The following MAPK15 variants were observed in gnomAD, a reference collection of about 807,000 sequenced individuals.
The protein encoded by MAPK15 is mitogen-activated protein kinase 15.
MAPK15 carries 61 observed loss-of-function variants against 60.8 expected under a neutral mutation model. The ratio of observed to expected loss-of-function variants is 1.00; its 90% confidence interval spans 0.82 to 1.24. MAPK15 has a LOEUF of 1.24. Ranked by LOEUF, MAPK15 falls within the 50% of genes most tolerant of loss-of-function variation. MAPK15 has a pLI of 0.00. For missense variants in MAPK15, 808 were observed against 741.1 expected (o/e 1.09, Z -1.05); for synonymous variants, 356 against 319.9 (o/e 1.11, Z -1.21).
chr8:143,718,137 G>C (rs540839720), intron 3 of MAPK15, 61 bp downstream of exon 3: 1 of 1,613,606 alleles, frequency 6.2e-7, no homozygotes, highest in African/African-American at 1.3e-5. Flanking sequence ...CTCCAGACAG[G>C]AGAGAAACTG....
At position 143,718,806 on chromosome 8, in the gene MAPK15, C is replaced by T. The variant is rs372258746; in HGVS notation, c.318C>T (p.Gly106=). The T allele has an allele frequency of 4.8e-5, 75 of 1,556,048 alleles. No individual in the cohort carries two copies. The highest frequency in any genetic ancestry group is 3.5e-4 in the Middle Eastern group (2 of 5,790). ...ACCTGAACGCAGTCATCCGGAAGGG[C>T]GGCCTGCTGCAGGACGTCCACGTGC... ...DTDLNAVIRK[G]GLLQDVHVRS... is the part of the protein sequence containing the mutation. The change falls in exon 5 of 14, where the codon GGC becomes GGT. Residue 106 remains glycine (G), a synonymous_variant. Coordinates refer to ENST00000338033, the MANE Select transcript of MAPK15 (RefSeq NM_139021.3).
intron 4 of MAPK15, 48 bp from the exon 5 acceptor site, chr8:143,718,727 G>GGGGGCCCCCCCCCCCCCCCCCCCCC: frequency 1.9e-6 from 1 of 514,518 alleles, no homozygotes; most frequent in East Asian, 3.3e-5. Flanking sequence ...CCCCCAGGTT[G>GGGGGCCCCCCCCCCCCCCCCCCCCC]CCCCCCCAGC....
rs1198716435 is a variant in MAPK15 at position 143,720,276 on chromosome 8, G to A, written c.768G>A (p.Gln256=). The A allele has an allele frequency of 1.3e-6, 2 of 1,589,358 alleles. No homozygotes were observed. The highest frequency in any genetic ancestry group is 1.8e-5 in the Admixed American group (1 of 57,122). ...GCTGCCGTGCCTCTGTGCTGCACCA[G>A]CTGGGGTCCCGGTGAGTGGGGGCAC... is the stretch of plus-strand genomic sequence containing the variant. ...GSGCRASVLH[Q]LGSRPRQTLD... is the part of the protein sequence containing the mutation. Residue 256 remains glutamine (Q), a synonymous_variant, in exon 8 of 14, where the codon CAG becomes CAA. Transcript: ENST00000338033. This position sits in a 1 kb window ranked among gnomAD's most constrained non-coding sequence, Gnocchi z 4.6.
At chr8:143,719,752 G>A (rs1310986102) in intron 7 of MAPK15, among the ~76,000 whole-genome samples, 1 of 152,172 alleles carries the variant, frequency 6.6e-6, no homozygotes, top group Non-Finnish European at 1.5e-5. Flanking sequence ...GCTGGACAAG[G>A]TCCCCAAGGG....
At position 143,721,082 on chromosome 8, in the gene MAPK15, G is replaced by A. The variant is rs1818041702; in HGVS notation, c.1000G>A (p.Glu334Lys). 6.2e-7 allele frequency: 1 copy of A among 1,611,492 alleles called. No homozygotes were observed. The highest frequency in any genetic ancestry group is 1.3e-5 in the African/African-American group (1 of 74,852). ...AHEGVQLSVP[E>K]YRSRVYQMIL... ...CGAAGGGGTCCAGCTCTCTGTGCCT[G>A]AGTACCGCAGCCGCGTCTATCAGGT... The change falls in exon 10 of 14, where the codon GAG becomes AAG. Residue 334 changes from glutamate (E) to lysine (K), a missense_variant. Transcript: ENST00000338033.
Position 143,721,874 on chromosome 8 carries a change from A to C in MAPK15, c.1452A>C (p.Val484=). ...NRGGGVRVAS[V]QQVPPRLPPE... is the part of the protein sequence containing the mutation. ...GCGGTGGGGTGAGGGTGGCCAGCGT[A>C]CAACAGGTAAGCCCGGCCCAGTCTG... Residue 484 remains valine (V), a synonymous_variant, in exon 13 of 14, where the codon GTA becomes GTC. Transcript: ENST00000338033. The C allele has an allele frequency of 6.3e-7, 1 of 1,585,910 alleles. No individual in the cohort carries two copies. Among genetic ancestry groups the C allele is most frequent in the South Asian group, 1.2e-5 (1 of 86,810 alleles).
Position 143,719,152 on chromosome 8 carries a change from C to A in MAPK15, c.577C>A (p.His193Asn), listed in dbSNP as rs140242632. Reference protein sequence around the residue: ...YRAPEVLLSSHRYTLGVDMWS... With the variant: ...YRAPEVLLSSNRYTLGVDMWS... The stretch of plus-strand genomic sequence containing the variant: ...AGCACCGGAGGTGCTGCTCTCTTCG[C>A]ACCGGTAATAGCGAGACATCCCCAA... Residue 193 changes from histidine to asparagine, a missense_variant, in exon 6 of 14, where the codon CAC becomes AAC. His to Asn is a moderately conservative substitution (Grantham distance 68). Transcript: ENST00000338033. 14 of 1,541,154 alleles carry A rather than the reference C, an allele frequency of 9.1e-6. No individual in the cohort carries two copies. The East Asian group carries it at 3.4e-4, about 38-fold the overall frequency.
At position 143,722,263 on chromosome 8, in the gene MAPK15, C is replaced by G. The variant is rs782261037; in HGVS notation, c.*12C>G. On this transcript the variant is annotated 3_prime_UTR_variant, in exon 14 of 14. Transcript: ENST00000338033. ...GGCACCATGTGTGAGCCGCCCTACT[C>G]CCTTCACCTGGCCCTCTGTTCCTGC... is the stretch of plus-strand genomic sequence containing the variant. 6.5e-7 allele frequency: 1 copy of G among 1,546,632 alleles called. No homozygotes were observed. The highest frequency in any genetic ancestry group is 8.7e-7 in the Non-Finnish European group (1 of 1,146,552).
rs1252252347 is a variant in MAPK15 at position 143,720,684 on chromosome 8, G to A, written c.780-19G>A. On this transcript the variant is annotated intron_variant, in intron 8 of 13. Coordinates refer to ENST00000338033, the MANE Select transcript of MAPK15 (RefSeq NM_139021.3). This position sits in a 1 kb window ranked among gnomAD's most constrained non-coding sequence, Gnocchi z 4.6. ...GGCCCTTGGGTCGGGCCCTGGAGAC[G>A]ACACACGGCAGCCCACAGGCCACGA... The A allele has an allele frequency of 1.1e-5, 18 of 1,604,428 alleles. No individual in the cohort carries two copies. Among genetic ancestry groups the A allele is most frequent in the Middle Eastern group, 1.7e-4 (1 of 6,060 alleles).
In MAPK15 at chr8:143,716,420, C is replaced by T; in HGVS notation, c.43C>T (p.Leu15Phe). 6.2e-7 allele frequency: 1 copy of T among 1,605,186 alleles called. No individual in the cohort carries two copies. Among genetic ancestry groups the T allele is most frequent in the African/African-American group, 1.4e-5 (1 of 73,984 alleles). The change falls in exon 1 of 14, where the codon CTC (leucine) becomes TTC (phenylalanine). Residue 15 changes from leucine to phenylalanine, a missense_variant. Physicochemically the swap from Leu to Phe is conservative, Grantham distance 22. Coordinates refer to ENST00000338033, the MANE Select transcript of MAPK15 (RefSeq NM_139021.3). ...CCCTCGCATTGTCCGGAGATACCTA[C>T]TCAGGCGGCAGCTCGGGCAGGGGGT... ...VDPRIVRRYL[L>F]RRQLGQGAYG...
At chr8:143,718,165 A>G (rs1554618770) in intron 3 of MAPK15, 47 bp from the exon 4 acceptor site, 1 of 1,613,016 alleles carries the variant, frequency 6.2e-7, no homozygotes, top group South Asian at 1.1e-5. Context: ...TGGGCCCCAG[A>G]GCACAGCCCC....
At position 143,721,281 on chromosome 8, in the gene MAPK15, G is replaced by C. The variant is rs782155789; in HGVS notation, c.1074G>C (p.Pro358=). 3 of 1,613,436 alleles carry C rather than the reference G, an allele frequency of 1.9e-6. No homozygotes were observed. Among genetic ancestry groups the C allele is most frequent in the African/African-American group, 2.7e-5 (2 of 74,898 alleles). Residue 358 remains proline (P), a synonymous_variant, in exon 11 of 14, where the codon CCG becomes CCC. Transcript: ENST00000338033. The stretch of plus-strand genomic sequence containing the variant: ...GCGGCACCTCGAGAGAGAAGGGCCC[G>C]GAGGGTGTCTCCCCAAGCCAGGCAC... The part of the protein sequence containing the change: ...GSSGTSREKG[P]EGVSPSQAHL...
At position 143,720,379 on chromosome 8, in the gene MAPK15, C is replaced by A; in HGVS notation, c.779+92C>A. On this transcript the variant is annotated intron_variant, in intron 8 of 13. Coordinates refer to ENST00000338033, the MANE Select transcript of MAPK15 (RefSeq NM_139021.3). This position sits in a 1 kb window ranked among gnomAD's most constrained non-coding sequence, Gnocchi z 4.6. ...GCAAGTTTACTGGGGCCAGTTTGTA[C>A]CAGTTCAGATTCTGCCTGTTTTCAA... is the stretch of plus-strand genomic sequence containing the variant. 1 of 1,463,154 alleles carries A rather than the reference C, an allele frequency of 6.8e-7. No homozygotes were observed. The highest frequency in any genetic ancestry group is 9.1e-7 in the Non-Finnish European group (1 of 1,103,666). The allele number at this position is 1,463,154 out of a possible 1,614,324, so 90.6% of individuals were successfully genotyped here.
chr8:143,720,633 C>T lies in MAPK15; in HGVS notation c.780-70C>T, dbSNP rs1441938033. ...GACCCCAGTTTGGAAGCTGAGCCCCCAGCCACGAACATGGATCTGAGGAGG... is the reference window on the plus strand; with the variant it reads ...GACCCCAGTTTGGAAGCTGAGCCCCTAGCCACGAACATGGATCTGAGGAGG... On this transcript the variant is annotated intron_variant, in intron 8 of 13. Transcript: ENST00000338033. This position sits in a 1 kb window ranked among gnomAD's most constrained non-coding sequence, Gnocchi z 4.6. 9 of 1,545,992 alleles carry T rather than the reference C, an allele frequency of 5.8e-6. No individual in the cohort carries two copies. The Admixed American group carries it at 1.8e-4, about 31-fold the overall frequency.
At position 143,718,880 on chromosome 8, in the gene MAPK15, G is replaced by GGCAC; in HGVS notation, c.394_397dup (p.Val133AlafsTer24). The GGCAC allele has an allele frequency of 6.2e-7, 1 of 1,610,062 alleles. No homozygotes were observed. Among genetic ancestry groups the GGCAC allele is most frequent in the Non-Finnish European group, 8.5e-7 (1 of 1,178,576 alleles). On this transcript the variant is annotated frameshift_variant, in exon 5 of 14. Transcript: ENST00000338033. LOFTEE classifies it high-confidence loss of function. ...CGGGCCACCCGGTTCCTCCACTCGG[G>GGCAC]GCACGTTGTGCACCGGGACCAGAAG...
At chr8:143,718,959 AGCCCCGGGGC>A in intron 5 of MAPK15, 24 bp from the exon 6 acceptor site, 1 of 1,596,928 alleles carries the variant, frequency 6.3e-7, no homozygotes, top group Non-Finnish European at 8.5e-7. Flanking sequence ...GGCCCCACCC[AGCCCCGGGGC>A]CTCAGCCTGC....
In MAPK15 at chr8:143,720,770, C is replaced by T. The variant is rs782159938; in HGVS notation, c.847C>T (p.Arg283Ter). 131 of 1,613,606 alleles carry T rather than the reference C, an allele frequency of 8.1e-5. No individual in the cohort carries two copies. The highest frequency in any genetic ancestry group is 9.8e-5 in the Non-Finnish European group (116 of 1,179,872). ...CCCAGAGGCCTTGGACCTCCTTAGG[C>T]GACTCCTGGTGTTCGCCCCGGACAA... ...TSPEALDLLRRLLVFAPDKRL... is the reference protein window; with the variant it reads ...TSPEALDLLR Residue 283 changes from arginine to a stop codon, truncating the protein, a stop_gained, in exon 9 of 14, where the codon CGA (arginine) becomes TGA (stop). Coordinates refer to ENST00000338033, the MANE Select transcript of MAPK15 (RefSeq NM_139021.3). LOFTEE classifies it high-confidence loss of function. This position sits in a 1 kb window ranked among gnomAD's most constrained non-coding sequence, Gnocchi z 4.6.
rs1007823961 is a variant in MAPK15, at chr8:143,718,239, A to G, written c.223A>G (p.Ser75Gly). 1 of 1,614,126 alleles carries G rather than the reference A, an allele frequency of 6.2e-7. No individual in the cohort carries two copies. Among genetic ancestry groups the G allele is most frequent in the Non-Finnish European group, 8.5e-7 (1 of 1,180,012 alleles). The change falls in exon 4 of 14, where the codon AGC becomes GGC. Residue 75 changes from serine (S) to glycine (G), a missense_variant. Ser to Gly is a moderately conservative substitution (Grantham distance 56). Transcript: ENST00000338033. ...QEFGDHPNIISLLDVIRAEND... is the reference protein window; with the variant it reads ...QEFGDHPNIIGLLDVIRAEND... ...GTTTGGGGACCATCCCAACATCATC[A>G]GCCTCCTTGACGTGATCCGGGCAGA...
chr8:143,722,290 C>T lies in MAPK15; in HGVS notation c.*39C>T, dbSNP rs782787592. 7 of 1,501,390 alleles carry T rather than the reference C, an allele frequency of 4.7e-6. No individual in the cohort carries two copies. The highest frequency in any genetic ancestry group is 6.2e-6 in the Non-Finnish European group (7 of 1,122,862). The allele number at this position is 1,501,390 out of a possible 1,614,324, so 93.0% of individuals were successfully genotyped here. On this transcript the variant is annotated 3_prime_UTR_variant, in exon 14 of 14. Coordinates refer to ENST00000338033, the MANE Select transcript of MAPK15 (RefSeq NM_139021.3). ...CTTCACCTGGCCCTCTGTTCCTGCC[C>T]CAGCCCCTTCCCCAGACCCCTCTCC...
Sources: gnomAD v4.1 joint callset for allele counts (sites outside exome capture counted in the v4.1 genomes callset) on GRCh38, gnomAD v4.1.1 for gene constraint, Gnocchi (gnomAD v3.1) non-coding constraint, MANE v1.5 for transcripts, NCBI Gene and HGNC (gene_info 2026-07-23, HGNC 2026-07-21) for gene names.